Variants in PRKAG2 observed in about 807,000 individuals in gnomAD.
The protein encoded by PRKAG2 is protein kinase AMP-activated non-catalytic subunit gamma 2, also known as 5'-AMP-activated protein kinase subunit gamma-2.
Under a neutral mutation model 69.6 loss-of-function variants are expected in PRKAG2, and 26 were observed. That is an observed-to-expected ratio of 0.37 (90% confidence interval 0.27 to 0.52). The LOEUF (loss-of-function observed/expected upper bound fraction) is 0.52. PRKAG2 is among the 20% of genes least tolerant of loss of function. PRKAG2 has a pLI of 0.90. For synonymous variants in PRKAG2, 293 were observed against 285.0 expected (o/e 1.03, Z -0.28); for missense variants, 557 against 740.0 (o/e 0.75, Z 2.87).
intron 2 of PRKAG2, among the ~76,000 whole-genome samples, chr7:151,784,877 T>C (rs555318321): frequency 6.6e-6 from 1 of 152,318 alleles, no homozygotes; most frequent in African/African-American, 2.4e-5. Context: ...TGCTGGGCCC[T>C]GTCTGACCCC....
intron 1 of PRKAG2, among the ~76,000 whole-genome samples, chr7:151,822,855 C>A (rs199533997): frequency 0.11 from 17,451 of 152,114 alleles, 1,133 homozygotes; most frequent in East Asian, 0.24. Flanking sequence ...AAAAGGTTGC[C>A]CAATGAATCC....
rs542551467 is a variant in PRKAG2, at chr7:151,670,413, G to A, written c.684+5007C>T. Among the ~76,000 whole-genome samples, 23 of 152,096 alleles carry A rather than the reference G, an allele frequency of 1.5e-4. 1 individual carries two copies. The Middle Eastern group carries it at 0.014, about 90-fold the overall frequency. On this transcript the variant is annotated intron_variant, in intron 4 of 15. Coordinates refer to ENST00000287878, the MANE Select transcript of PRKAG2 (RefSeq NM_016203.4). The stretch of plus-strand genomic sequence containing the variant: ...TCTTTCTACCTTCAGCTGCAACCTG[G>A]GCCTAGATTACTTCACACTGCATCT...
At position 151,876,963 on chromosome 7, in the gene PRKAG2, C is replaced by T; in HGVS notation, c.-343G>A. On this transcript the variant is annotated 5_prime_UTR_variant, in exon 1 of 16. Transcript: ENST00000287878. ...AGCTAAGAAACATTTTCCACCCTCT[C>T]GGCTCCTCCCACAGATTCCCAGAGG... is the stretch of plus-strand genomic sequence containing the variant. 5.1e-6 allele frequency: 2 copies of T among 393,734 alleles called. No homozygotes were observed. The highest frequency in any genetic ancestry group is 7.6e-5 in the Admixed American group (2 of 26,458). The allele number at this position is 393,734 out of a possible 1,614,324, so 24.4% of individuals were successfully genotyped here.
intron 3 of PRKAG2, among the ~76,000 whole-genome samples, chr7:151,741,829 G>GT (rs1445792693): frequency 6.6e-6 from 1 of 152,208 alleles, no homozygotes; most frequent in Non-Finnish European, 1.5e-5. Flanking sequence ...TAAACCTCTA[G>GT]TAAGCGTGCA....
At chr7:151,649,538 T>C (rs968457149) in intron 4 of PRKAG2, among the ~76,000 whole-genome samples, 3 of 152,174 alleles carry the variant, frequency 2.0e-5, no homozygotes, top group African/African-American at 7.2e-5. Flanking sequence ...CCAAATCTCA[T>C]GCCCAATTGT....
chr7:151,855,852 G>A (rs1012133076), intron 1 of PRKAG2, among the ~76,000 whole-genome samples: 7 of 152,250 alleles, frequency 4.6e-5, no homozygotes, highest in East Asian at 1.9e-4. Context: ...TCGCTTAGGC[G>A]AAAGCTGAGC....
intron 6 of PRKAG2, among the ~76,000 whole-genome samples, chr7:151,586,363 C>T (rs1811674711): frequency 6.6e-6 from 1 of 152,154 alleles, no homozygotes; most frequent in South Asian, 2.1e-4. Flanking sequence ...ATGACCGATT[C>T]CATTCATTCA....
intron 4 of PRKAG2, among the ~76,000 whole-genome samples, chr7:151,649,014 T>A (rs1828027261): frequency 6.6e-6 from 1 of 152,204 alleles, no homozygotes; most frequent in Admixed American, 6.5e-5. Flanking sequence ...GGATATGAGT[T>A]AAAGGAATGT....
In PRKAG2 at chr7:151,776,614, G is replaced by A. The variant is rs377192386; in HGVS notation, c.466+4538C>T. On this transcript the variant is annotated intron_variant, in intron 3 of 15. Coordinates refer to ENST00000287878, the MANE Select transcript of PRKAG2 (RefSeq NM_016203.4). Reference sequence around the variant, plus strand: ...GCCCCAGCAGGCAGCCCCAGGTCCCGCTCCCTTCGCAGCTGTCTGCACTTC... The same window carrying A: ...GCCCCAGCAGGCAGCCCCAGGTCCCACTCCCTTCGCAGCTGTCTGCACTTC... Among the ~76,000 whole-genome samples the A allele has an allele frequency of 2.4e-4, 36 of 152,290 alleles. No individual in the cohort carries two copies. The Middle Eastern group carries it at 0.01, about 43-fold the overall frequency.
intron 1 of PRKAG2, among the ~76,000 whole-genome samples, chr7:151,870,111 T>TGATAGATA (rs57003272): frequency 0.052 from 6,217 of 120,084 alleles, 277 homozygotes; most frequent in African/African-American, 0.069. Context: ...AAGGTGCAGA[T>TGATAGATA]GATAGATAGA....
At chr7:151,637,451 G>A (rs1201266497) in intron 4 of PRKAG2, among the ~76,000 whole-genome samples, 1 of 152,204 alleles carries the variant, frequency 6.6e-6, no homozygotes, top group African/African-American at 2.4e-5. Context: ...GACCGCAAAA[G>A]TGGTTCACAG....
chr7:151,708,203 T>C (rs761388100), intron 3 of PRKAG2, among the ~76,000 whole-genome samples: 4 of 152,180 alleles, frequency 2.6e-5, no homozygotes, highest in Admixed American at 2.0e-4. Context: ...AAACTCTCCA[T>C]GCAGCCAGCT....
intron 4 of PRKAG2, among the ~76,000 whole-genome samples, chr7:151,640,148 GA>G (rs764355243): frequency 8.6e-5 from 13 of 152,012 alleles, no homozygotes; most frequent in Non-Finnish European, 1.3e-4. Context: ...ATGTCTCTAT[GA>G]AAAAAACAAA....
chr7:151,850,573 G>A lies in PRKAG2; in HGVS notation c.114+25934C>T, dbSNP rs765755407. 1.3e-5 allele frequency among the ~76,000 whole-genome samples: 2 copies of A among 152,192 alleles called. No individual in the cohort carries two copies. The highest frequency in any genetic ancestry group is 4.8e-5 in the African/African-American group (2 of 41,448). ...AGCTCACACTCAGCCAAGGAGCCCCGAGCCTGGATTGGAACCCAGATGGAC... is the reference window on the plus strand; with the variant it reads ...AGCTCACACTCAGCCAAGGAGCCCCAAGCCTGGATTGGAACCCAGATGGAC... On this transcript the variant is annotated intron_variant, in intron 1 of 15. Transcript: ENST00000287878. The surrounding 1 kb of genome is among the most constrained non-coding windows in gnomAD (Gnocchi z 4.1).
chr7:151,857,856 A>ATGT, intron 1 of PRKAG2, among the ~76,000 whole-genome samples: 1 of 152,224 alleles, frequency 6.6e-6, no homozygotes, highest in Non-Finnish European at 1.5e-5. Flanking sequence ...AACACCTTCT[A>ATGT]TACAATCCCA....
chr7:151,783,600 C>T (rs972166782), intron 2 of PRKAG2, among the ~76,000 whole-genome samples: 13 of 151,978 alleles, frequency 8.6e-5, no homozygotes, highest in African/African-American at 2.7e-4. Flanking sequence ...GGAATCAGGA[C>T]AAATCCTGAG....
intron 1 of PRKAG2, among the ~76,000 whole-genome samples, chr7:151,813,017 G>T (rs2078501619): frequency 6.6e-6 from 1 of 152,016 alleles, no homozygotes. Flanking sequence ...GCAGCTGGAA[G>T]GTGAGAAACC....
chr7:151,758,419 T>C (rs2075228730), intron 3 of PRKAG2, among the ~76,000 whole-genome samples: 1 of 152,242 alleles, frequency 6.6e-6, no homozygotes. Flanking sequence ...GATAAATGTG[T>C]CAACTACCCC....
chr7:151,683,681 G>A (rs1466645444), intron 3 of PRKAG2, among the ~76,000 whole-genome samples: 1 of 152,182 alleles, frequency 6.6e-6, no homozygotes, highest in Admixed American at 6.5e-5. Flanking sequence ...CTACTTTGGA[G>A]GGAGGATGGC....
Sources: allele counts gnomAD v4.1 joint callset (sites outside exome capture counted in the v4.1 genomes callset), GRCh38; gene constraint gnomAD v4.1.1; non-coding constraint Gnocchi (gnomAD v3.1); transcripts MANE v1.5; gene names NCBI Gene and HGNC (gene_info 2026-07-23, HGNC 2026-07-21).